Variants in COX15 observed in about 807,000 individuals in gnomAD.
COX15 encodes heme A synthase COX15.
A neutral mutation model predicts 51.9 loss-of-function variants in COX15; 51 were observed. The ratio of observed to expected loss-of-function variants is 0.98; its 90% CI spans 0.78 to 1.24. COX15 has a LOEUF of 1.24. COX15 is among the 50% of genes most tolerant of loss of function. COX15 has a pLI of 0.00. For missense variants in COX15, 420 were observed against 501.1 expected (o/e 0.84, Z 1.55); for synonymous variants, 188 against 190.5 (o/e 0.99, Z 0.11).
intron 6 of COX15, among the ~76,000 whole-genome samples, chr10:99,720,338 G>A (rs1422249807): frequency 5.3e-5 from 8 of 152,250 alleles, no homozygotes; most frequent in African/African-American, 1.4e-4. Context: ...TTAGCTACTC[G>A]GGAGGCTGAG....
chr10:99,730,717 ATTTG>A (rs953748882), intron 1 of COX15, among the ~76,000 whole-genome samples: 63 of 152,348 alleles, frequency 4.1e-4, no homozygotes, highest in African/African-American at 1.4e-3. Context: ...ACACAATGGT[ATTTG>A]TTTATCTAAA....
rs186460666 is a variant in COX15, at chr10:99,713,429, G to A, written c.*1158C>T. The A allele has an allele frequency of 6.2e-7, 1 of 1,613,898 alleles. No homozygotes were observed. The highest frequency in any genetic ancestry group is 1.1e-5 in the South Asian group (1 of 91,078). ...CATCCTCAAATCAGATGTTTCTGAT[G>A]CCTTCATCCAAATCACTGATTTTAA... On this transcript the variant is annotated 3_prime_UTR_variant, in exon 9 of 9. Transcript: ENST00000016171.
chr10:99,719,288 C>T (rs531309608), intron 6 of COX15, among the ~76,000 whole-genome samples: 2 of 151,800 alleles, frequency 1.3e-5, no homozygotes, highest in East Asian at 1.9e-4. Context: ...GGCATGATCT[C>T]GGCTCACTGC....
intron 1 of COX15, 125 bp downstream of exon 1, chr10:99,731,835 C>T (rs1259284870): frequency 6.5e-6 from 8 of 1,234,542 alleles, no homozygotes; most frequent in African/African-American, 3.0e-5. Flanking sequence ...CTGATCTGAA[C>T]CTATGCGTTG....
the COX15 span, chr10:99,696,131 G>C: frequency 6.2e-7 from 1 of 1,613,356 alleles, no homozygotes; most frequent in Non-Finnish European, 8.5e-7. Flanking sequence ...AGGTACATTT[G>C]ATATGGGATC....
At chr10:99,704,794 G>T in the COX15 span, 1 of 1,012,960 alleles carries the variant, frequency 9.9e-7, no homozygotes, top group Non-Finnish European at 1.4e-6. Flanking sequence ...GTGGATATTT[G>T]CCCTTGGAAT....
chr10:99,711,761 G>C lies in COX15; in HGVS notation c.*2826C>G. 1 of 985,450 alleles carries C rather than the reference G, an allele frequency of 1.0e-6. No homozygotes were observed. Among genetic ancestry groups the C allele is most frequent in the Non-Finnish European group, 1.2e-6 (1 of 829,946 alleles). The allele number at this position is 985,450 out of a possible 1,614,324, so 61.0% of individuals were successfully genotyped here. A position where few individuals can be genotyped will look rare whatever the true frequency, so the allele number is the denominator to read the frequency against. On this transcript the variant is annotated 3_prime_UTR_variant, in exon 9 of 9. Transcript: ENST00000016171. ...ATAGCATAAGCCCAGCCAGGGTCCAGCATTTATGAAAAATTGACAAACTGT... is the reference window on the plus strand; with the variant it reads ...ATAGCATAAGCCCAGCCAGGGTCCACCATTTATGAAAAATTGACAAACTGT...
At chr10:99,704,351 GGAA>G in the COX15 span, 3 of 1,142,810 alleles carry the variant, frequency 2.6e-6, no homozygotes, top group East Asian at 7.2e-5. Context: ...TTATGTGGAT[GGAA>G]TAAATGTGAT....
At chr10:99,714,914 C>T (rs777193446) in intron 8 of COX15, among the ~76,000 whole-genome samples, 196 bp from the exon 9 acceptor site, 70 of 152,160 alleles carry the variant, frequency 4.6e-4, no homozygotes, top group Admixed American at 1.0e-3. Context: ...CTAAAATTCC[C>T]CTTATTCTTC....
chr10:99,720,391 A>G (rs1306170715), intron 6 of COX15, among the ~76,000 whole-genome samples: 3 of 152,146 alleles, frequency 2.0e-5, no homozygotes, highest in Non-Finnish European at 4.4e-5. Flanking sequence ...GGTTGCAGTG[A>G]GCTGAGATCA....
intron 5 of COX15, among the ~76,000 whole-genome samples, chr10:99,721,551 ATT>A (rs2036771343): frequency 6.6e-6 from 1 of 152,218 alleles, no homozygotes; most frequent in Non-Finnish European, 1.5e-5. Context: ...TAAAATCAAA[ATT>A]TGTTTTTATT....
downstream of COX15, chr10:99,708,919 C>A (rs2036303882): frequency 1.0e-6 from 1 of 985,304 alleles, no homozygotes. Flanking sequence ...CTGGCCACAA[C>A]TAACCATGCC....
chr10:99,706,548 T>C (rs4919387), downstream of COX15, among the ~76,000 whole-genome samples: 17,215 of 151,880 alleles, frequency 0.11, 1,170 homozygotes, highest in East Asian at 0.31. Flanking sequence ...TTGTCCAGGC[T>C]GGTCTCAAAC....
chr10:99,704,722 T>G, the COX15 span: 1 of 1,548,654 alleles, frequency 6.5e-7, no homozygotes, highest in Non-Finnish European at 8.8e-7. Context: ...CACCCCCGAG[T>G]TGCTGCTCAT....
downstream of COX15, chr10:99,706,237 A>G (rs2036249769): frequency 1.3e-5 from 2 of 152,248 alleles, no homozygotes. Flanking sequence ...TAAGATAAAA[A>G]TAAGTATACT....
intron 1 of COX15, 135 bp from the exon 2 acceptor site, chr10:99,729,869 T>C (rs1194478010): frequency 2.3e-6 from 2 of 884,464 alleles, no homozygotes; most frequent in Non-Finnish European, 1.8e-6. Flanking sequence ...ATCTCTTATC[T>C]GGATTACTGC....
At chr10:99,709,412 G>C (rs1304629229), downstream of COX15, 7 of 985,278 alleles carry the variant, frequency 7.1e-6, no homozygotes, top group Non-Finnish European at 8.4e-6. Flanking sequence ...AGGGACGCTA[G>C]CTCCAGATTC....
chr10:99,704,594 C>G, the COX15 span: 1 of 1,614,184 alleles, frequency 6.2e-7, no homozygotes, highest in Admixed American at 1.7e-5. Flanking sequence ...ACGCCGAATT[C>G]ACCACCGACA....
In COX15 at chr10:99,712,286, C is replaced by A; in HGVS notation, c.*2301G>T. 1.0e-6 allele frequency: 1 copy of A among 985,396 alleles called. No individual in the cohort carries two copies. The highest frequency in any genetic ancestry group is 1.2e-6 in the Non-Finnish European group (1 of 829,902). 61.0% of individuals were successfully genotyped at this position (985,396 alleles called of 1,614,324 possible). A position where few individuals can be genotyped will look rare whatever the true frequency, so the allele number is the denominator to read the frequency against. ...ACTGGAGTTGAAAGAGAACTGAGAT[C>A]ACCTAGTTCAGAGACTAACGGGAAA... On this transcript the variant is annotated 3_prime_UTR_variant, in exon 9 of 9. Coordinates refer to ENST00000016171, the MANE Select transcript of COX15 (RefSeq NM_078470.6).
Sources: allele counts gnomAD v4.1 joint callset (sites outside exome capture counted in the v4.1 genomes callset), GRCh38; gene constraint gnomAD v4.1.1; transcripts MANE v1.5; gene names NCBI Gene and HGNC (gene_info 2026-07-23, HGNC 2026-07-21).